Variants in RIMKLB observed in about 807,000 individuals in gnomAD.
RIMKLB encodes ribosomal modification protein rimK like family member B.
RIMKLB carries 7 observed loss-of-function variants against 32.0 expected under a neutral mutation model. That is an observed-to-expected ratio of 0.22 (90% CI 0.12 to 0.41). The LOEUF (loss-of-function observed/expected upper bound fraction) is 0.41. RIMKLB is among the 10% of genes least tolerant of loss of function. The pLI is 1.00. For synonymous variants in RIMKLB, 172 were observed against 185.1 expected (o/e 0.93, Z 0.57); for missense variants, 289 against 498.7 (o/e 0.58, Z 4.00).
At chr12:8,709,100 C>T (rs1173468502) in intron 1 of RIMKLB, among the ~76,000 whole-genome samples, 1 of 152,192 alleles carries the variant, frequency 6.6e-6, no homozygotes, top group African/African-American at 2.4e-5. Context: ...TGTTTCGCTA[C>T]TGGAGAATAT....
At chr12:8,686,063 T>A (rs887689616) in intron 1 of RIMKLB, among the ~76,000 whole-genome samples, 3 of 152,056 alleles carry the variant, frequency 2.0e-5, no homozygotes, top group Admixed American at 6.6e-5. Flanking sequence ...ACCTCGGTCT[T>A]CCAAAGTGCT....
chr12:8,767,306 A>G (rs1350565931), intron 5 of RIMKLB, among the ~76,000 whole-genome samples: 3 of 152,150 alleles, frequency 2.0e-5, no homozygotes, highest in Non-Finnish European at 2.9e-5. Context: ...GGTGGGGAAC[A>G]GGTCCCACAT....
At chr12:8,724,511 C>G (rs12319105) in intron 2 of RIMKLB, among the ~76,000 whole-genome samples, 5,028 of 152,216 alleles carry the variant, frequency 0.033, 278 homozygotes, top group African/African-American at 0.11. Flanking sequence ...CACACTTATT[C>G]CAGTCCAGTG....
At position 8,762,723 on chromosome 12, in the gene RIMKLB, C is replaced by T. The variant is rs765065645; in HGVS notation, c.697+8630C>T. On this transcript the variant is annotated intron_variant, in intron 5 of 5. Transcript: ENST00000535829. ...AGTGCCTGAATGAGGTCTGTTAGTTCTGCCAGCTGAGCGCTAGTTCCTGGA... is the reference window on the plus strand; with the variant it reads ...AGTGCCTGAATGAGGTCTGTTAGTTTTGCCAGCTGAGCGCTAGTTCCTGGA... 2.6e-5 allele frequency among the ~76,000 whole-genome samples: 4 copies of T among 152,278 alleles called. No individual in the cohort carries two copies. In the South Asian group the frequency reaches 8.3e-4, roughly 32 times the overall value.
At chr12:8,729,755 C>T (rs1168997461) in intron 2 of RIMKLB, among the ~76,000 whole-genome samples, 1 of 152,086 alleles carries the variant, frequency 6.6e-6, no homozygotes, top group Non-Finnish European at 1.5e-5. Flanking sequence ...CATGAGCCAC[C>T]ATACCTGACC....
At chr12:8,694,405 T>C (rs900664503), upstream of RIMKLB, among the ~76,000 whole-genome samples, 1 of 147,068 alleles carries the variant, frequency 6.8e-6, no homozygotes, top group African/African-American at 2.5e-5. Flanking sequence ...TCTTTTTTTT[T>C]TTTTTTTTGA....
intron 2 of RIMKLB, among the ~76,000 whole-genome samples, chr12:8,718,584 A>C (rs1945086805): frequency 6.6e-6 from 1 of 151,972 alleles, no homozygotes; most frequent in South Asian, 2.1e-4. Flanking sequence ...TGGAGGTTGC[A>C]GTGAGCTGAG....
chr12:8,744,162 C>T (rs1480223042), intron 2 of RIMKLB, among the ~76,000 whole-genome samples: 1 of 151,950 alleles, frequency 6.6e-6, no homozygotes, highest in Non-Finnish European at 1.5e-5. Context: ...CTCAAGAGAT[C>T]AGTAGCTCAT....
chr12:8,750,743 A>G (rs1948554250), intron 3 of RIMKLB, among the ~76,000 whole-genome samples: 1 of 152,062 alleles, frequency 6.6e-6, no homozygotes, highest in Non-Finnish European at 1.5e-5. Flanking sequence ...TTTTGTATTT[A>G]TCTGACCACA....
intron 4 of RIMKLB, 136 bp downstream of exon 4, chr12:8,752,179 T>C: frequency 1.7e-6 from 1 of 594,778 alleles, no homozygotes. Flanking sequence ...TACTATGAGT[T>C]GTTCAGTTTG....
upstream of RIMKLB, among the ~76,000 whole-genome samples, chr12:8,692,589 G>T (rs1211544951): frequency 6.6e-6 from 1 of 152,200 alleles, no homozygotes; most frequent in East Asian, 1.9e-4. Context: ...TTCTTGCCAA[G>T]ACTGTGTTTT....
At chr12:8,767,060 T>A (rs1279447198) in intron 5 of RIMKLB, among the ~76,000 whole-genome samples, 1 of 152,230 alleles carries the variant, frequency 6.6e-6, no homozygotes, top group Non-Finnish European at 1.5e-5. Flanking sequence ...GGTCTCAGTG[T>A]TTTCGGGCTA....
intron 2 of RIMKLB, among the ~76,000 whole-genome samples, chr12:8,724,947 T>C (rs142914662): frequency 5.2e-4 from 79 of 152,304 alleles, no homozygotes; most frequent in African/African-American, 1.8e-3. Flanking sequence ...ACACTGTCCT[T>C]CTTACCCTCT....
At position 8,775,157 on chromosome 12, in the gene RIMKLB, C is replaced by T. The variant is rs766626488; in HGVS notation, c.*1373C>T. ...TCAGTGTACAGTTTATTCAAGGCTACATGCTTTTCTTTAATGCTTCTGGCT... is the reference window on the plus strand; with the variant it reads ...TCAGTGTACAGTTTATTCAAGGCTATATGCTTTTCTTTAATGCTTCTGGCT... On this transcript the variant is annotated 3_prime_UTR_variant, in exon 6 of 6. Transcript: ENST00000535829. 2.0e-6 allele frequency: 2 copies of T among 985,418 alleles called. No individual in the cohort carries two copies. Among genetic ancestry groups the T allele is most frequent in the East Asian group, 1.1e-4 (1 of 8,774 alleles). The allele number at this position is 985,418 out of a possible 1,614,324, so 61.0% of individuals were successfully genotyped here.
chr12:8,692,178 C>T (rs73053860), upstream of RIMKLB, among the ~76,000 whole-genome samples: 34,076 of 152,030 alleles, frequency 0.22, 4,063 homozygotes, highest in Non-Finnish European at 0.26. Context: ...TTGCTGCCAA[C>T]GATTTAATTT....
chr12:8,706,139 G>A (rs1943859743), intron 1 of RIMKLB, among the ~76,000 whole-genome samples: 2 of 151,924 alleles, frequency 1.3e-5, no homozygotes, highest in Admixed American at 1.3e-4. Context: ...TACATTCTTT[G>A]TTTTGTTTTT....
chr12:8,679,365 A>C (rs930387343), upstream of RIMKLB: 4 of 152,120 alleles, frequency 2.6e-5, no homozygotes, highest in African/African-American at 9.6e-5. Flanking sequence ...TAATTTTTGT[A>C]TTTTTAGTAG....
chr12:8,769,775 T>C (rs1950257376), intron 5 of RIMKLB, among the ~76,000 whole-genome samples: 1 of 152,158 alleles, frequency 6.6e-6, no homozygotes, highest in Non-Finnish European at 1.5e-5. Flanking sequence ...TATTTACTAC[T>C]TCACTGTATC....
At chr12:8,759,670 A>G (rs1023632376) in intron 5 of RIMKLB, among the ~76,000 whole-genome samples, 1 of 152,182 alleles carries the variant, frequency 6.6e-6, no homozygotes, top group South Asian at 2.1e-4. Flanking sequence ...AAATGCCAAT[A>G]TGTCCGCCCC....
Sources: allele counts gnomAD v4.1 joint callset (sites outside exome capture counted in the v4.1 genomes callset), GRCh38; gene constraint gnomAD v4.1.1; transcripts MANE v1.5; gene names NCBI Gene and HGNC (gene_info 2026-07-23, HGNC 2026-07-21).